The following LRRC63 variants were observed in gnomAD, a reference collection of about 807,000 sequenced individuals.
The protein encoded by LRRC63 is leucine-rich repeat-containing protein 63.
A neutral mutation model predicts 49.5 loss-of-function variants in LRRC63; 40 were observed. The observed-to-expected ratio is 0.81, with a 90% CI of 0.63 to 1.05. The LOEUF is 1.05. Among genes scored for constraint, LRRC63 ranks in the 50% least tolerant of loss-of-function variants. LRRC63 has a pLI of 0.00. For missense variants in LRRC63, 636 were observed against 663.1 expected (o/e 0.96, Z 0.45); for synonymous variants, 191 against 221.1 (o/e 0.86, Z 1.21).
At position 46,213,002 on chromosome 13, in the gene LRRC63, G is replaced by T. The variant is rs999673568; in HGVS notation, c.-33G>T. Reference sequence around the variant, plus strand: ...CTTTTCAATTCTCATTTAAACCAAGGATTATGAAAAACAGCACTTATTATT... The same window carrying T: ...CTTTTCAATTCTCATTTAAACCAAGTATTATGAAAAACAGCACTTATTATT... On this transcript the variant is annotated splice_region_variant and 5_prime_UTR_variant, in exon 2 of 10. Coordinates refer to ENST00000595396, the Ensembl canonical transcript of LRRC63. 2.9e-6 allele frequency: 4 copies of T among 1,384,822 alleles called. No homozygotes were observed. In the African/African-American group the frequency reaches 4.4e-5, roughly 15 times the overall value. 85.8% of individuals were successfully genotyped at this position (1,384,822 alleles called of 1,614,324 possible).
At chr13:46,229,604 G>C (rs1318103219) in intron 4 of LRRC63, among the ~76,000 whole-genome samples, 1 of 152,116 alleles carries the variant, frequency 6.6e-6, no homozygotes, top group South Asian at 2.1e-4. Context: ...GGCGAGGAGA[G>C]AATTGAAGGA....
At chr13:46,214,618 G>A (rs919981413) in intron 2 of LRRC63, among the ~76,000 whole-genome samples, 2 of 151,422 alleles carry the variant, frequency 1.3e-5, no homozygotes, top group African/African-American at 2.4e-5. Context: ...GCACATAGTA[G>A]GTGATCAAAA....
Position 46,227,890 on chromosome 13 carries a change from A to G in LRRC63, c.464A>G (p.Lys155Arg), listed in dbSNP as rs764112067. The change falls in exon 3 of 10, where the codon AAG (lysine) becomes AGG (arginine). Residue 155 changes from lysine to arginine, a missense_variant. Transcript: ENST00000595396. ...GAAAACATTTTAATTCTTTCTTCCAAGTTTTCCAAACCTAAAAGTACTCCT... is the reference window on the plus strand; with the variant it reads ...GAAAACATTTTAATTCTTTCTTCCAGGTTTTCCAAACCTAAAAGTACTCCT... 5 of 1,550,494 alleles carry G rather than the reference A, an allele frequency of 3.2e-6. No individual in the cohort carries two copies. In the Admixed American group the frequency reaches 5.9e-5, roughly 18 times the overall value.
At chr13:46,214,105 A>T (rs2046176044) in intron 2 of LRRC63, among the ~76,000 whole-genome samples, 1 of 152,136 alleles carries the variant, frequency 6.6e-6, no homozygotes, top group Admixed American at 6.5e-5. Flanking sequence ...TTCCCTCCTT[A>T]TTATAAGCAA....
At chr13:46,226,046 C>T (rs1384329906) in intron 2 of LRRC63, among the ~76,000 whole-genome samples, 1 of 151,714 alleles carries the variant, frequency 6.6e-6, no homozygotes, top group East Asian at 1.9e-4. Context: ...TGCAGTGGTA[C>T]AATCATGGCT....
chr13:46,218,991 C>G (rs1357153170), intron 2 of LRRC63, among the ~76,000 whole-genome samples: 2 of 152,182 alleles, frequency 1.3e-5, no homozygotes, highest in African/African-American at 2.4e-5. Flanking sequence ...TGATGGACTT[C>G]CCTTTGAGGG....
intron 2 of LRRC63, among the ~76,000 whole-genome samples, chr13:46,219,715 A>G (rs141730501): frequency 6.6e-6 from 1 of 152,124 alleles, no homozygotes; most frequent in Admixed American, 6.5e-5. Context: ...TTTTTGTGCT[A>G]GTTTTTCCTC....
intron 7 of LRRC63, among the ~76,000 whole-genome samples, chr13:46,261,410 A>G (rs1368864180): frequency 6.6e-6 from 1 of 152,198 alleles, no homozygotes; most frequent in Admixed American, 6.5e-5. Flanking sequence ...AGACAAAGGC[A>G]GAGGTTGGAG....
intron 2 of LRRC63, among the ~76,000 whole-genome samples, chr13:46,214,937 T>C (rs1230447): frequency 0.48 from 73,332 of 152,072 alleles, 19,257 homozygotes; most frequent in African/African-American, 0.67. Context: ...GCAAAGGACA[T>C]AATCTCATTC....
intron 7 of LRRC63, 37 bp from the exon 8 acceptor site, chr13:46,261,872 A>G (rs1302637567): frequency 1.9e-5 from 13 of 680,226 alleles, no homozygotes; most frequent in Non-Finnish European, 2.8e-5. Flanking sequence ...GGTGATACAT[A>G]ATCATTTCTA....
chr13:46,240,513 A>G (rs1436528879), intron 5 of LRRC63, among the ~76,000 whole-genome samples: 1 of 152,170 alleles, frequency 6.6e-6, no homozygotes, highest in Non-Finnish European at 1.5e-5. Context: ...AAGAAAGAAC[A>G]TCCAAATAGG....
intron 7 of LRRC63, among the ~76,000 whole-genome samples, chr13:46,258,286 T>C (rs376710287): frequency 3.3e-4 from 50 of 151,394 alleles, no homozygotes; most frequent in South Asian, 6.3e-4. Flanking sequence ...TGCGCCACCA[T>C]GCCTGGCTAA....
Position 46,218,210 on chromosome 13 carries a change from C to T in LRRC63, c.85+5091C>T, listed in dbSNP as rs558528353. Among the ~76,000 whole-genome samples the T allele has an allele frequency of 3.2e-4, 49 of 152,246 alleles. 1 individual carries two copies. Among genetic ancestry groups the T allele is most frequent in the Middle Eastern group, 3.4e-3 (1 of 294 alleles). On this transcript the variant is annotated intron_variant, in intron 2 of 9. Coordinates refer to ENST00000595396, the Ensembl canonical transcript of LRRC63. ...AATGTTGACAGTGGGGTGTTAAAGT[C>T]TCCCATTATTATTGTGTGGGAGTCT...
At chr13:46,251,307 A>G (rs989472755) in intron 7 of LRRC63, among the ~76,000 whole-genome samples, 1 of 151,924 alleles carries the variant, frequency 6.6e-6, no homozygotes, top group African/African-American at 2.4e-5. Flanking sequence ...TAAAAGAATA[A>G]GAAATTATAT....
exon 1 of LRRC63, chr13:46,212,235 G>A (rs1249394996): frequency 7.2e-5 from 11 of 152,254 alleles, no homozygotes; most frequent in African/African-American, 1.9e-4. Context: ...CACCTTGAGC[G>A]CTTGTGTGCA....
chr13:46,242,310 A>T (rs2047085511), intron 5 of LRRC63, among the ~76,000 whole-genome samples: 1 of 152,092 alleles, frequency 6.6e-6, no homozygotes, highest in African/African-American at 2.4e-5. Flanking sequence ...ACCGGATCCT[A>T]TTGGAAGGTG....
chr13:46,234,218 T>A (rs539382181), exon 5 of LRRC63: 1 of 1,549,486 alleles, frequency 6.5e-7, no homozygotes, highest in Non-Finnish European at 8.7e-7. Flanking sequence ...AAAAATAGAA[T>A]CAGAGATACA....
At chr13:46,252,272 A>G (rs1594079446) in intron 7 of LRRC63, among the ~76,000 whole-genome samples, 1 of 152,028 alleles carries the variant, frequency 6.6e-6, no homozygotes, top group Non-Finnish European at 1.5e-5. Flanking sequence ...CTTGCTGAGC[A>G]AAGAAGACCT....
At chr13:46,217,580 G>T (rs886852963) in intron 2 of LRRC63, among the ~76,000 whole-genome samples, 3 of 152,066 alleles carry the variant, frequency 2.0e-5, no homozygotes, top group Non-Finnish European at 2.9e-5. Context: ...TTGATTTTTT[G>T]AAGGGTTTTT....
Sources: gnomAD v4.1 joint callset for allele counts (sites outside exome capture counted in the v4.1 genomes callset) on GRCh38, gnomAD v4.1.1 for gene constraint, MANE v1.5 for transcripts, NCBI Gene and HGNC (gene_info 2026-07-23, HGNC 2026-07-21) for gene names.